The following AREG variants were observed in gnomAD, a reference collection of about 807,000 sequenced individuals.
The protein encoded by AREG is amphiregulin, also known as amphiregulin B.
A neutral mutation model predicts 28.0 loss-of-function variants in AREG; 16 were observed. The observed-to-expected ratio is 0.57, with a 90% CI of 0.39 to 0.87. The LOEUF (loss-of-function observed/expected upper bound fraction) is 0.87, where lower values mean the gene tolerates loss of function less well. Ranked by LOEUF, AREG falls within the 40% of genes least tolerant of loss-of-function variation. AREG has a pLI of 0.00. For synonymous variants in AREG, 113 were observed against 113.5 expected (o/e 1.00, Z 0.02); for missense variants, 287 against 309.1 (o/e 0.93, Z 0.53).
At chr4:74,449,411 G>A (rs1719344904) in intron 3 of AREG, among the ~76,000 whole-genome samples, 163 bp downstream of exon 3, 1 of 152,160 alleles carries the variant, frequency 6.6e-6, no homozygotes, top group Non-Finnish European at 1.5e-5. Context: ...GGCCAAGATT[G>A]TTACATGTAC....
At chr4:74,454,705 AT>A in intron 5 of AREG, 53 bp from the exon 6 acceptor site, 1 of 644,952 alleles carries the variant, frequency 1.6e-6, no homozygotes, top group Non-Finnish European at 2.8e-6. Context: ...AATTGAGCTT[AT>A]CTGTAACATT....
In AREG at chr4:74,445,374, C is replaced by A; in HGVS notation, c.29C>A (p.Pro10Gln). The A allele has an allele frequency of 1.2e-6, 2 of 1,610,832 alleles. No homozygotes were observed. Among genetic ancestry groups the A allele is most frequent in the East Asian group, 2.2e-5 (1 of 44,844 alleles). ...AGAGCCCCGCTGCTACCGCCGGCGC[C>A]GGTGGTGCTGTCGCTCTTGATACTC... MRAPLLPPA[P>Q]VVLSLLILGS... Residue 10 changes from proline (P) to glutamine (Q), a missense_variant, in exon 1 of 6, where the codon CCG becomes CAG. Physicochemically the swap from Pro to Gln is moderately conservative, Grantham distance 76. Coordinates refer to ENST00000395748, the MANE Select transcript of AREG (RefSeq NM_001657.4).
intron 1 of AREG, 124 bp downstream of exon 1, chr4:74,445,530 G>A: frequency 2.0e-6 from 3 of 1,523,036 alleles, no homozygotes; most frequent in South Asian, 2.5e-5. Flanking sequence ...CGCAGGAGGT[G>A]ATCACTGTAG....
chr4:74,452,585 A>G lies in AREG; in HGVS notation c.707A>G (p.Glu236Gly). 1 of 1,613,654 alleles carries G rather than the reference A, an allele frequency of 6.2e-7. No homozygotes were observed. The highest frequency in any genetic ancestry group is 8.5e-7 in the Non-Finnish European group (1 of 1,179,696). Residue 236 changes from glutamate to glycine, a missense_variant, in exon 5 of 6, where the codon GAG becomes GGG. Coordinates refer to ENST00000395748, the MANE Select transcript of AREG (RefSeq NM_001657.4). Reference sequence around the variant, plus strand: ...GTCAGGAAATATGAAGGAGAAGCTGAGGAACGAAAGAAACTTCGACAAGAG... The same window carrying G: ...GTCAGGAAATATGAAGGAGAAGCTGGGGAACGAAAGAAACTTCGACAAGAG... ...QYVRKYEGEA[E>G]ERKKLRQENG...
intron 4 of AREG, among the ~76,000 whole-genome samples, chr4:74,451,003 T>A (rs1719372514): frequency 6.6e-6 from 1 of 152,236 alleles, no homozygotes; most frequent in Non-Finnish European, 1.5e-5. Flanking sequence ...TCTGCTCATA[T>A]TAGAATGCAA....
Position 74,446,518 on chromosome 4 carries a change from A to C in AREG, c.62-16A>C. 6.2e-7 allele frequency: 1 copy of C among 1,613,908 alleles called. No individual in the cohort carries two copies. Among genetic ancestry groups the C allele is most frequent in the Non-Finnish European group, 8.5e-7 (1 of 1,179,860 alleles). On this transcript the variant is annotated splice_polypyrimidine_tract_variant and intron_variant, in intron 1 of 5. Coordinates refer to ENST00000395748, the MANE Select transcript of AREG (RefSeq NM_001657.4). ...ACTTTACCTTTTCTTTTCTTCCTTT[A>C]TTCCCTCCCCTGCAGGCCATTATGC...
chr4:74,451,616 G>T (rs1470444239), intron 4 of AREG, among the ~76,000 whole-genome samples: 2 of 152,028 alleles, frequency 1.3e-5, no homozygotes, highest in Non-Finnish European at 2.9e-5. Flanking sequence ...AATTTGTCCT[G>T]GTTTTCTAGT....
intron 2 of AREG, among the ~76,000 whole-genome samples, chr4:74,448,057 T>A (rs1719320144): frequency 6.6e-6 from 1 of 152,230 alleles, no homozygotes; most frequent in East Asian, 1.9e-4. Context: ...GCTGAACACC[T>A]TCGAAAGGCT....
At chr4:74,450,774 C>T (rs1719367990) in intron 4 of AREG, among the ~76,000 whole-genome samples, 1 of 152,060 alleles carries the variant, frequency 6.6e-6, no homozygotes, top group South Asian at 2.1e-4. Context: ...ATTTTTTGAA[C>T]TTAAGTAATT....
At chr4:74,448,911 T>C (rs1719336027) in intron 2 of AREG, 136 bp from the exon 3 acceptor site, 1 of 1,261,260 alleles carries the variant, frequency 7.9e-7, no homozygotes, top group Non-Finnish European at 1.1e-6. Flanking sequence ...TCTCTAACTT[T>C]TATATTGTGT....
intron 5 of AREG, 116 bp from the exon 6 acceptor site, chr4:74,454,643 A>G (rs1030041725): frequency 8.4e-5 from 46 of 545,982 alleles, no homozygotes; most frequent in African/African-American, 6.6e-4. Flanking sequence ...AAAACAACTG[A>G]CAGAAATTCT....
At position 74,445,378 on chromosome 4, in the gene AREG, G is replaced by A; in HGVS notation, c.33G>A (p.Val11=). ...CCCCGCTGCTACCGCCGGCGCCGGTGGTGCTGTCGCTCTTGATACTCGGCT... is the reference window on the plus strand; with the variant it reads ...CCCCGCTGCTACCGCCGGCGCCGGTAGTGCTGTCGCTCTTGATACTCGGCT... MRAPLLPPAP[V]VLSLLILGSG... The change falls in exon 1 of 6, where the codon GTG becomes GTA. Residue 11 remains valine (V), a synonymous_variant. Coordinates refer to ENST00000395748, the MANE Select transcript of AREG (RefSeq NM_001657.4). 4 of 1,610,796 alleles carry A rather than the reference G, an allele frequency of 2.5e-6. No homozygotes were observed. Among genetic ancestry groups the A allele is most frequent in the Non-Finnish European group, 2.5e-6 (3 of 1,179,334 alleles).
chr4:74,448,297 T>C (rs1325696651), intron 2 of AREG, among the ~76,000 whole-genome samples: 4 of 152,240 alleles, frequency 2.6e-5, no homozygotes, highest in Non-Finnish European at 5.9e-5. Context: ...AATTTTACTT[T>C]TGTTAAATGT....
In AREG at chr4:74,452,626, G is replaced by T. The variant is rs1340895777; in HGVS notation, c.748G>T (p.Ala250Ser). ...TCGACAAGAGAATGGAAATGTACATGCTATAGCATAACTGAAGATAAAATT... is the reference window on the plus strand; with the variant it reads ...TCGACAAGAGAATGGAAATGTACATTCTATAGCATAACTGAAGATAAAATT... Reference protein sequence around the residue: ...KLRQENGNVHAIA With the variant: ...KLRQENGNVHSIA Residue 250 changes from alanine (A) to serine (S), a missense_variant, in exon 5 of 6, where the codon GCT (alanine) becomes TCT (serine). Coordinates refer to ENST00000395748, the MANE Select transcript of AREG (RefSeq NM_001657.4). 2 of 1,613,426 alleles carry T rather than the reference G, an allele frequency of 1.2e-6. No homozygotes were observed. Among genetic ancestry groups the T allele is most frequent in the Non-Finnish European group, 8.5e-7 (1 of 1,179,638 alleles).
chr4:74,449,790 T>C (rs1357897778), intron 3 of AREG, among the ~76,000 whole-genome samples: 2 of 152,030 alleles, frequency 1.3e-5, no homozygotes, highest in African/African-American at 4.8e-5. Flanking sequence ...AAACTATTCT[T>C]AGCTTGCAGG....
rs201209086 is a variant in AREG at position 74,446,570 on chromosome 4, A to G, written c.98A>G (p.Tyr33Cys). ...GCTGGATTGGACCTCAATGACACCT[A>G]CTCTGGGAAGCGTGAACCATTTTCT... ...YAAGLDLNDT[Y>C]SGKREPFSGD... The change falls in exon 2 of 6, where the codon TAC (tyrosine) becomes TGC (cysteine). Residue 33 changes from tyrosine to cysteine, a missense_variant. By Grantham distance (194) the Tyr-to-Cys change is radical (BLOSUM62 -2). Coordinates refer to ENST00000395748, the MANE Select transcript of AREG (RefSeq NM_001657.4). 3,925 of 1,613,702 alleles carry G rather than the reference A, an allele frequency of 2.4e-3. 125 individuals carry two copies. In the South Asian group the frequency reaches 0.039, roughly 16 times the overall value.
At position 74,445,249 on chromosome 4, in the gene AREG, C is replaced by T. The variant is rs1004292593; in HGVS notation, c.-97C>T. ...CGAGAGCGGCGCACACTCCCGGTCTCCACTCGCTCTTCCAACACCCGCTCG... is the reference window on the plus strand; with the variant it reads ...CGAGAGCGGCGCACACTCCCGGTCTTCACTCGCTCTTCCAACACCCGCTCG... On this transcript the variant is annotated 5_prime_UTR_variant, in exon 1 of 6. Coordinates refer to ENST00000395748, the MANE Select transcript of AREG (RefSeq NM_001657.4). The T allele has an allele frequency of 4.3e-5, 66 of 1,550,892 alleles. No individual in the cohort carries two copies. Among genetic ancestry groups the T allele is most frequent in the Non-Finnish European group, 5.3e-5 (61 of 1,148,004 alleles).
At chr4:74,450,599 T>C in intron 4 of AREG, 67 bp downstream of exon 4, 2 of 1,587,888 alleles carry the variant, frequency 1.3e-6, no homozygotes, top group Admixed American at 3.5e-5. Context: ...AGTATTTCTC[T>C]CATACTCTAC....
rs1434158056 is a variant in AREG, at chr4:74,445,266, A to AC, written c.-77dup. On this transcript the variant is annotated 5_prime_UTR_variant, in exon 1 of 6. Coordinates refer to ENST00000395748, the MANE Select transcript of AREG (RefSeq NM_001657.4). ...CCCGGTCTCCACTCGCTCTTCCAAC[A>AC]CCCGCTCGTTTTGGCGGCAGCTCGT... 8 of 1,565,444 alleles carry AC rather than the reference A, an allele frequency of 5.1e-6. No individual in the cohort carries two copies. In the African/African-American group the frequency reaches 1.1e-4, roughly 21 times the overall value.
Sources: gnomAD v4.1 joint callset for allele counts (sites outside exome capture counted in the v4.1 genomes callset) on GRCh38, gnomAD v4.1.1 for gene constraint, MANE v1.5 for transcripts, NCBI Gene and HGNC (gene_info 2026-07-23, HGNC 2026-07-21) for gene names.